Variants in ZNF18 observed in about 807,000 individuals in gnomAD.
ZNF18 encodes zinc finger protein 18, also known as heart development-specific gene 1 protein.
A neutral mutation model predicts 58.1 loss-of-function variants in ZNF18; 42 were observed. The observed-to-expected ratio is 0.72, with a 90% CI of 0.56 to 0.93. The LOEUF is 0.93. ZNF18 is among the 40% of genes least tolerant of loss of function. ZNF18 has a pLI of 0.00. For missense variants in ZNF18, 540 were observed against 644.2 expected (o/e 0.84, Z 1.75); for synonymous variants, 231 against 239.8 (o/e 0.96, Z 0.34).
At chr17:12,001,323 G>A (rs1246674000), upstream of ZNF18, among the ~76,000 whole-genome samples, 2 of 152,096 alleles carry the variant, frequency 1.3e-5, no homozygotes, top group East Asian at 1.9e-4. Flanking sequence ...TGTGGTAACC[G>A]TAGTTAATAA....
At chr17:11,989,767 T>G (rs72819232) in intron 4 of ZNF18, among the ~76,000 whole-genome samples, 27,978 of 149,070 alleles carry the variant, frequency 0.19, 2,663 homozygotes, top group Admixed American at 0.22. Context: ...ATTAATGAAC[T>G]TGAAGACAAA....
rs1323559259 is a variant in ZNF18, at chr17:11,984,173, T to C, written c.691A>G (p.Thr231Ala). ...PQEQWRQLDS[T>A]QKEQYWDLML... ...AGATCCCAGTATTGCTCCTTTTGAG[T>C]GGAATCCAGTTGTCTCCACTGTTCC... Residue 231 changes from threonine (T) to alanine (A), a missense_variant, in exon 5 of 7, where the codon ACT becomes GCT. Thr to Ala is a moderately conservative substitution (Grantham distance 58). Transcript: ENST00000580306. 1 of 1,608,704 alleles carries C rather than the reference T, an allele frequency of 6.2e-7. No homozygotes were observed. The highest frequency in any genetic ancestry group is 8.5e-7 in the Non-Finnish European group (1 of 1,178,786).
chr17:11,982,722 G>A (rs34442495), intron 6 of ZNF18, among the ~76,000 whole-genome samples: 35,681 of 146,546 alleles, frequency 0.24, 5,089 homozygotes, highest in Middle Eastern at 0.36. Flanking sequence ...TAGTTTTTAC[G>A]TAACTTCAAT....
chr17:11,983,472 C>T lies in ZNF18; in HGVS notation c.752-65G>A. The stretch of plus-strand genomic sequence containing the variant: ...GGAAGACTGGGAGCTCAAGCTGTGT[C>T]TTTCAAAGGAGCACCCTACGCATGA... On this transcript the variant is annotated intron_variant, in intron 5 of 6. Coordinates refer to ENST00000580306, the MANE Select transcript of ZNF18 (RefSeq NM_001303281.2). 4 of 1,300,070 alleles carry T rather than the reference C, an allele frequency of 3.1e-6. No homozygotes were observed. The South Asian group carries it at 4.7e-5, about 15-fold the overall frequency. 80.5% of individuals were successfully genotyped at this position (1,300,070 alleles called of 1,614,324 possible).
intron 6 of ZNF18, among the ~76,000 whole-genome samples, chr17:11,982,635 T>G (rs1186357550): frequency 6.6e-6 from 1 of 151,310 alleles, no homozygotes; most frequent in Non-Finnish European, 1.5e-5. Flanking sequence ...TCTAAGGTTC[T>G]GGGATTTACT....
At chr17:11,989,034 C>T (rs565821727) in intron 4 of ZNF18, among the ~76,000 whole-genome samples, 21 of 152,172 alleles carry the variant, frequency 1.4e-4, no homozygotes, top group African/African-American at 5.1e-4. Flanking sequence ...TGGCACACGC[C>T]TGTAATCCCA....
intron 1 of ZNF18, among the ~76,000 whole-genome samples, chr17:11,996,610 GA>G (rs890822466): frequency 2.7e-5 from 4 of 150,134 alleles, no homozygotes; most frequent in Middle Eastern, 3.4e-3. Context: ...CATTAGTTAT[GA>G]AAAAAAAATA....
the ZNF18 span, among the ~76,000 whole-genome samples, chr17:12,018,842 A>G: frequency 6.6e-6 from 1 of 152,034 alleles, no homozygotes; most frequent in South Asian, 2.1e-4. Flanking sequence ...ATTCTTAAAA[A>G]TAAGATTAGT....
At chr17:12,006,578 A>G in the ZNF18 span, among the ~76,000 whole-genome samples, 1 of 152,164 alleles carries the variant, frequency 6.6e-6, no homozygotes, top group African/African-American at 2.4e-5. Flanking sequence ...GTAATAAAAA[A>G]TTATTTGTAC....
chr17:11,980,136 C>T (rs1200214117), intron 6 of ZNF18, among the ~76,000 whole-genome samples: 2 of 152,216 alleles, frequency 1.3e-5, no homozygotes, highest in African/African-American at 2.4e-5. Context: ...CAGAACAACT[C>T]TGCCATCCTC....
At chr17:12,019,090 G>C in the ZNF18 span, among the ~76,000 whole-genome samples, 1 of 151,850 alleles carries the variant, frequency 6.6e-6, no homozygotes, top group East Asian at 1.9e-4. Context: ...TAGTAGCTGG[G>C]ATTATAGGTA....
rs912777095 is a variant in ZNF18 at position 11,987,966 on chromosome 17, A to G, written c.666+2496T>C. 7.2e-5 allele frequency among the ~76,000 whole-genome samples: 11 copies of G among 152,244 alleles called. No individual in the cohort carries two copies. The East Asian group carries it at 2.1e-3, about 29-fold the overall frequency. On this transcript the variant is annotated intron_variant, in intron 4 of 6. Coordinates refer to ENST00000580306, the MANE Select transcript of ZNF18 (RefSeq NM_001303281.2). ...CACAGCATTACCTACTGCCTTCTCT[A>G]TTTTCATATTCACGCTACAGCAGAT... is the stretch of plus-strand genomic sequence containing the variant.
chr17:12,011,158 C>T, the ZNF18 span: 5 of 593,336 alleles, frequency 8.4e-6, no homozygotes, highest in Non-Finnish European at 6.1e-6. Flanking sequence ...GGAACAACTC[C>T]ATGTTTTCTA....
chr17:11,982,039 C>T (rs1445582267), intron 6 of ZNF18, among the ~76,000 whole-genome samples: 1 of 151,952 alleles, frequency 6.6e-6, no homozygotes, highest in Non-Finnish European at 1.5e-5. Flanking sequence ...TCTCTCACCT[C>T]CCCCTCTCCC....
chr17:12,014,497 C>T, the ZNF18 span, among the ~76,000 whole-genome samples: 14 of 152,052 alleles, frequency 9.2e-5, no homozygotes, highest in East Asian at 7.7e-4. Context: ...CATAGATGAA[C>T]GTTAAAAGCA....
the ZNF18 span, among the ~76,000 whole-genome samples, chr17:12,010,276 G>C: frequency 6.6e-6 from 1 of 152,092 alleles, no homozygotes; most frequent in Non-Finnish European, 1.5e-5. Flanking sequence ...AGTTGAATCT[G>C]AGCCAAGAAT....
At chr17:12,005,371 T>C in the ZNF18 span, among the ~76,000 whole-genome samples, 1 of 152,188 alleles carries the variant, frequency 6.6e-6, no homozygotes, top group African/African-American at 2.4e-5. Flanking sequence ...AAAAGTTTTG[T>C]GCTTTTCATT....
intron 1 of ZNF18, among the ~76,000 whole-genome samples, chr17:11,995,075 GT>G (rs1028251276): frequency 2.0e-5 from 3 of 151,990 alleles, no homozygotes; most frequent in Admixed American, 2.0e-4. Flanking sequence ...AATACCAAAT[GT>G]TTTTTATGTG....
rs745703675 is a variant in ZNF18, at chr17:11,990,415, T to C, written c.666+47A>G. The C allele has an allele frequency of 1.2e-5, 18 of 1,519,086 alleles. No homozygotes were observed. In the South Asian group the frequency reaches 1.3e-4, roughly 11 times the overall value. The allele number at this position is 1,519,086 out of a possible 1,614,324, so 94.1% of individuals were successfully genotyped here. A position where few individuals can be genotyped will look rare whatever the true frequency, so the allele number is the denominator to read the frequency against. ...GAAGAGAAGCAGGAGGATGAGATTA[T>C]AAAAGGTAAAAAGTTTCCTTTTCAT... On this transcript the variant is annotated intron_variant, in intron 4 of 6. Coordinates refer to ENST00000580306, the MANE Select transcript of ZNF18 (RefSeq NM_001303281.2).
Sources: allele counts gnomAD v4.1 joint callset (sites outside exome capture counted in the v4.1 genomes callset), GRCh38; gene constraint gnomAD v4.1.1; transcripts MANE v1.5; gene names NCBI Gene and HGNC (gene_info 2026-07-23, HGNC 2026-07-21).